Variants in OTUD7A observed in about 807,000 individuals in gnomAD.
OTUD7A encodes OTU deubiquitinase 7A.
Under a neutral mutation model 65.7 loss-of-function variants are expected in OTUD7A, and 12 were observed. The observed-to-expected ratio is 0.18, with a 90% CI of 0.12 to 0.30. The LOEUF (loss-of-function observed/expected upper bound fraction) is 0.30, where lower values mean the gene tolerates loss of function less well. OTUD7A is among the 10% of genes least tolerant of loss of function. The probability of loss-of-function intolerance (pLI) is 1.00; values close to 1 mark genes in which losing one functional copy is unlikely to be tolerated. For missense variants in OTUD7A, 1,148 were observed against 1,304.8 expected, an observed-to-expected ratio of 0.88 and a Z score of 1.85; for synonymous variants, 641 against 586.3, an observed-to-expected ratio of 1.09 and a Z score of -1.35.
chr15:31,808,136 C>CACACACACACACACAAAAA (rs772574742), intron 1 of OTUD7A, among the ~76,000 whole-genome samples: 19 of 119,508 alleles, frequency 1.6e-4, no homozygotes, highest in Non-Finnish European at 3.1e-4. Flanking sequence ...CACACACACA[C>CACACACACACACACAAAAA]AAACAAATCC....
chr15:31,573,762 A>C (rs533026996), intron 3 of OTUD7A, among the ~76,000 whole-genome samples: 3 of 152,190 alleles, frequency 2.0e-5, no homozygotes, highest in African/African-American at 7.2e-5. Context: ...TTACCTGGAC[A>C]TGGTGGGACA....
intron 3 of OTUD7A, among the ~76,000 whole-genome samples, chr15:31,587,639 C>CA (rs11445101): frequency 0.087 from 11,304 of 129,756 alleles, 1,045 homozygotes; most frequent in African/African-American, 0.24. Flanking sequence ...GACTCCATTT[C>CA]AAAAAAAAAA....
intron 1 of OTUD7A, among the ~76,000 whole-genome samples, chr15:31,808,136 C>CAAAAAA (rs1555420129): frequency 3.1e-4 from 37 of 119,512 alleles, no homozygotes; most frequent in African/African-American, 9.5e-4. Flanking sequence ...CACACACACA[C>CAAAAAA]AAACAAATCC....
At chr15:31,571,923 G>C (rs1461829179) in intron 3 of OTUD7A, among the ~76,000 whole-genome samples, 1 of 152,076 alleles carries the variant, frequency 6.6e-6, no homozygotes, top group Non-Finnish European at 1.5e-5. Context: ...TCTGCACCCT[G>C]GGACACTCTA....
intron 5 of OTUD7A, among the ~76,000 whole-genome samples, chr15:31,543,841 A>C (rs539255251): frequency 4.6e-5 from 7 of 152,020 alleles, no homozygotes; most frequent in African/African-American, 1.4e-4. Context: ...TTGAGAGAAA[A>C]AGTAAAAAAT....
chr15:31,766,382 A>G (rs898322228), intron 1 of OTUD7A: 1 of 1,586,952 alleles, frequency 6.3e-7, no homozygotes, highest in Non-Finnish European at 8.7e-7. Context: ...ACTGTAGAGC[A>G]TCGATGGCAA....
At chr15:31,804,252 A>T (rs184050862) in intron 1 of OTUD7A, among the ~76,000 whole-genome samples, 34 of 152,312 alleles carry the variant, frequency 2.2e-4, no homozygotes, top group Non-Finnish European at 4.6e-4. Context: ...AGGAAGAGGC[A>T]GCTCCCCCTG....
chr15:31,641,393 C>T (rs151047047), intron 3 of OTUD7A, among the ~76,000 whole-genome samples: 3,650 of 152,210 alleles, frequency 0.024, 142 homozygotes, highest in African/African-American at 0.084. Flanking sequence ...AACTTTATTC[C>T]AATTTTTCAA....
chr15:31,733,536 G>C (rs555519516), intron 1 of OTUD7A, among the ~76,000 whole-genome samples: 1 of 152,124 alleles, frequency 6.6e-6, no homozygotes, highest in Non-Finnish European at 1.5e-5. Context: ...GCACCCCCTG[G>C]CTGCCCAGAC....
rs986762208 is a variant in OTUD7A, at chr15:31,481,642, C to T, written c.*1652G>A. ...AAACTTGAACAAATTACTGAAAACT[C>T]CACCTGCTGTGGAATAATTAAAAAC... On this transcript the variant is annotated 3_prime_UTR_variant, in exon 13 of 13. Coordinates refer to ENST00000307050, the MANE Select transcript of OTUD7A (RefSeq NM_001382637.1). 2.0e-5 allele frequency: 3 copies of T among 152,276 alleles called. No homozygotes were observed. The highest frequency in any genetic ancestry group is 7.2e-5 in the African/African-American group (3 of 41,442). 9.4% of individuals were successfully genotyped at this position (152,276 alleles called of 1,614,324 possible).
At chr15:31,587,320 G>A (rs1889572512) in intron 3 of OTUD7A, among the ~76,000 whole-genome samples, 1 of 152,074 alleles carries the variant, frequency 6.6e-6, no homozygotes, top group Admixed American at 6.5e-5. Context: ...GTTCTCCACA[G>A]GACAGCCAGA....
At chr15:31,588,994 G>T (rs925594295) in intron 3 of OTUD7A, among the ~76,000 whole-genome samples, 35 of 152,210 alleles carry the variant, frequency 2.3e-4, no homozygotes, top group Non-Finnish European at 3.5e-4. Flanking sequence ...GTTCCACTGT[G>T]GGGTGGGTGA....
intron 1 of OTUD7A, among the ~76,000 whole-genome samples, chr15:31,835,250 A>G (rs1456916293): frequency 6.6e-6 from 1 of 152,266 alleles, no homozygotes; most frequent in African/African-American, 2.4e-5. Flanking sequence ...TTCATCTTGA[A>G]CTTCAGATGA....
At chr15:31,579,741 CACAT>C (rs1375493270) in intron 3 of OTUD7A, among the ~76,000 whole-genome samples, 1 of 152,178 alleles carries the variant, frequency 6.6e-6, no homozygotes, top group African/African-American at 2.4e-5. Flanking sequence ...CACATGCACA[CACAT>C]ACAATAGCTC....
At chr15:31,526,236 TC>T in intron 8 of OTUD7A, 112 bp downstream of exon 8, 1 of 1,100,620 alleles carries the variant, frequency 9.1e-7, no homozygotes, top group Non-Finnish European at 1.3e-6. Context: ...CTTTCTGTCT[TC>T]CACAGCACAA....
At chr15:31,782,133 T>C (rs1004698565) in intron 1 of OTUD7A, among the ~76,000 whole-genome samples, 4 of 152,244 alleles carry the variant, frequency 2.6e-5, no homozygotes, top group South Asian at 2.1e-4. Context: ...AACCCCTCTA[T>C]GCTGCTGTGA....
At chr15:31,675,126 C>T (rs1702890488) in intron 1 of OTUD7A, among the ~76,000 whole-genome samples, 1 of 150,982 alleles carries the variant, frequency 6.6e-6, no homozygotes, top group Admixed American at 6.6e-5. Flanking sequence ...AGGCAAATAC[C>T]ATTTATAAAC....
intron 1 of OTUD7A, among the ~76,000 whole-genome samples, chr15:31,694,249 G>A (rs1415952954): frequency 2.6e-5 from 4 of 152,238 alleles, no homozygotes; most frequent in African/African-American, 9.6e-5. Flanking sequence ...GGCATCCCTC[G>A]GCTGGGGGCC....
chr15:31,578,978 G>A (rs1468041957), intron 3 of OTUD7A, among the ~76,000 whole-genome samples: 2 of 152,194 alleles, frequency 1.3e-5, no homozygotes, highest in Admixed American at 6.5e-5. Flanking sequence ...ATGGGCCATG[G>A]TCACTCATAT....
Sources: allele counts gnomAD v4.1 joint callset (sites outside exome capture counted in the v4.1 genomes callset), GRCh38; gene constraint gnomAD v4.1.1; transcripts MANE v1.5; gene names NCBI Gene and HGNC (gene_info 2026-07-23, HGNC 2026-07-21).